The following ROBO1 variants were observed in gnomAD, a reference collection of about 807,000 sequenced individuals.
The protein encoded by ROBO1 is roundabout homolog 1.
In ROBO1, 149 loss-of-function variants were observed where a neutral mutation model predicts 195.9. The observed-to-expected ratio is 0.76, with a 90% confidence interval of 0.67 to 0.87. The LOEUF (loss-of-function observed/expected upper bound fraction) is 0.87, where lower values mean the gene tolerates loss of function less well. Among genes scored for constraint, ROBO1 ranks in the 40% least tolerant of loss-of-function variants. The pLI is 0.00. For synonymous variants in ROBO1, 816 were observed against 733.2 expected (o/e 1.11, Z -1.82); for missense variants, 1,933 against 2,068.3 (o/e 0.93, Z 1.27).
intron 1 of ROBO1, among the ~76,000 whole-genome samples, chr3:79,593,606 T>C (rs1273093632): frequency 6.6e-6 from 1 of 151,878 alleles, no homozygotes; most frequent in Non-Finnish European, 1.5e-5. Context: ...TAAGAATTTT[T>C]TTTTTGCTTG....
chr3:78,705,754 GA>G (rs2081535182), intron 8 of ROBO1, among the ~76,000 whole-genome samples: 1 of 152,088 alleles, frequency 6.6e-6, no homozygotes, highest in African/African-American at 2.4e-5. Flanking sequence ...GGTCCAGGTA[GA>G]AAAAAGGCAA....
At chr3:79,627,523 T>G (rs959755663) in intron 1 of ROBO1, among the ~76,000 whole-genome samples, 1 of 151,990 alleles carries the variant, frequency 6.6e-6, no homozygotes. Flanking sequence ...GAGACTTAAA[T>G]GTAAAATCAA....
chr3:79,386,513 C>T (rs1460238571), intron 2 of ROBO1, among the ~76,000 whole-genome samples: 1 of 151,978 alleles, frequency 6.6e-6, no homozygotes, highest in Non-Finnish European at 1.5e-5. Flanking sequence ...TATTCTTGGT[C>T]AGTTATTGTG....
At chr3:79,009,209 C>A (rs1276544686) in intron 3 of ROBO1, among the ~76,000 whole-genome samples, 1 of 150,916 alleles carries the variant, frequency 6.6e-6, no homozygotes, top group Non-Finnish European at 1.5e-5. Context: ...CCGCCTCAGC[C>A]TCCCAAAGTG....
intron 3 of ROBO1, among the ~76,000 whole-genome samples, chr3:79,120,111 T>C (rs929596960): frequency 6.6e-6 from 1 of 152,040 alleles, no homozygotes; most frequent in Non-Finnish European, 1.5e-5. Context: ...GTATACCTCA[T>C]ATACCCCCAT....
intron 2 of ROBO1, among the ~76,000 whole-genome samples, chr3:79,329,224 GA>G (rs1011174888): frequency 2.0e-5 from 3 of 152,016 alleles, no homozygotes; most frequent in Non-Finnish European, 4.4e-5. Context: ...GGCAAATCTT[GA>G]AAAAAATTCA....
intron 3 of ROBO1, among the ~76,000 whole-genome samples, chr3:79,092,249 C>T (rs956772257): frequency 6.6e-6 from 1 of 152,006 alleles, no homozygotes; most frequent in Non-Finnish European, 1.5e-5. Context: ...GATCTTGTCC[C>T]GAAGATCGCA....
chr3:79,110,841 A>T (rs2108532423), intron 3 of ROBO1, among the ~76,000 whole-genome samples: 1 of 151,732 alleles, frequency 6.6e-6, no homozygotes, highest in East Asian at 2.0e-4. Context: ...CTGTGCTTAA[A>T]CTCCTGGCTT....
At chr3:79,565,738 A>G (rs142355229) in intron 2 of ROBO1, among the ~76,000 whole-genome samples, 2 of 152,058 alleles carry the variant, frequency 1.3e-5, no homozygotes, top group Admixed American at 6.6e-5. Context: ...GTAGGTCCCA[A>G]ACTTTTTTAT....
At chr3:78,717,977 A>C in intron 5 of ROBO1, 94 bp from the exon 6 acceptor site, 1 of 1,225,506 alleles carries the variant, frequency 8.2e-7, no homozygotes, top group Non-Finnish European at 1.2e-6. Flanking sequence ...CTTTCTAAGC[A>C]TATAAATCAA....
chr3:79,337,126 G>T (rs1180987494), intron 2 of ROBO1, among the ~76,000 whole-genome samples: 1 of 152,166 alleles, frequency 6.6e-6, no homozygotes, highest in East Asian at 1.9e-4. Flanking sequence ...AAGTGGAAGG[G>T]ACTTGCCTTG....
In ROBO1 at chr3:78,776,964, A is replaced by G. The variant is rs140736978; in HGVS notation, c.500-30064T>C. 5.4e-3 allele frequency among the ~76,000 whole-genome samples: 816 copies of G among 152,308 alleles called. 9 individuals are homozygous for G. The highest frequency in any genetic ancestry group is 0.018 in the African/African-American group (750 of 41,572). On this transcript the variant is annotated intron_variant, in intron 4 of 30. Coordinates refer to ENST00000464233, the MANE Select transcript of ROBO1 (RefSeq NM_002941.4). Reference sequence around the variant, plus strand: ...AGTACACTGAGTAACACCTAGGACTATTAGCTTTTATGGTTAACAATATAG... The same window carrying G: ...AGTACACTGAGTAACACCTAGGACTGTTAGCTTTTATGGTTAACAATATAG...
chr3:79,027,508 T>C (rs758051364), intron 3 of ROBO1, among the ~76,000 whole-genome samples: 3 of 152,074 alleles, frequency 2.0e-5, no homozygotes, highest in Non-Finnish European at 4.4e-5. Context: ...CTGAGGACTA[T>C]GATTCTAAAT....
At chr3:79,495,155 AT>A (rs1021654946) in intron 2 of ROBO1, among the ~76,000 whole-genome samples, 4 of 152,180 alleles carry the variant, frequency 2.6e-5, no homozygotes, top group African/African-American at 4.8e-5. Flanking sequence ...TTTAATAAGC[AT>A]TTTTGAACAA....
intron 1 of ROBO1, among the ~76,000 whole-genome samples, chr3:79,750,137 T>A (rs944545204): frequency 6.6e-6 from 1 of 152,108 alleles, no homozygotes; most frequent in Non-Finnish European, 1.5e-5. Context: ...AGGCATGGAG[T>A]CAAAGGAGAT....
intron 2 of ROBO1, among the ~76,000 whole-genome samples, chr3:79,280,773 T>C (rs2031442757): frequency 6.6e-6 from 1 of 152,178 alleles, no homozygotes; most frequent in Non-Finnish European, 1.5e-5. Flanking sequence ...TCATCAAGCA[T>C]TCGATTCTCA....
At chr3:78,783,048 T>C (rs1340126907) in intron 4 of ROBO1, among the ~76,000 whole-genome samples, 4 of 152,156 alleles carry the variant, frequency 2.6e-5, no homozygotes, top group Admixed American at 1.3e-4. Flanking sequence ...AATAATAGAT[T>C]TTTGTTTATT....
intron 3 of ROBO1, among the ~76,000 whole-genome samples, chr3:78,995,494 T>A (rs145798264): frequency 2.9e-4 from 44 of 152,246 alleles, no homozygotes; most frequent in African/African-American, 1.0e-3. Context: ...CCATCTCCAC[T>A]CTTGCCTCTA....
At chr3:79,048,844 A>G (rs2078643910) in intron 3 of ROBO1, among the ~76,000 whole-genome samples, 1 of 152,136 alleles carries the variant, frequency 6.6e-6, no homozygotes, top group African/African-American at 2.4e-5. Flanking sequence ...AGATACGAAT[A>G]CCATAAACAT....
Sources: gnomAD v4.1 joint callset for allele counts (sites outside exome capture counted in the v4.1 genomes callset) on GRCh38, gnomAD v4.1.1 for gene constraint, MANE v1.5 for transcripts, NCBI Gene and HGNC (gene_info 2026-07-23, HGNC 2026-07-21) for gene names.